Variants in CHD5 observed in about 807,000 individuals in gnomAD.
The protein encoded by CHD5 is chromodomain helicase DNA binding protein 5.
A neutral mutation model predicts 230.3 loss-of-function variants in CHD5; 69 were observed. The observed-to-expected ratio is 0.30, with a 90% CI of 0.25 to 0.37. The LOEUF is 0.37. Ranked by LOEUF, CHD5 falls within the 10% of genes least tolerant of loss-of-function variation. The pLI is 1.00. For missense variants in CHD5, 1,827 were observed against 2,622.8 expected (o/e 0.70, Z 6.63); for synonymous variants, 1,064 against 1,065.9 (o/e 1.00, Z 0.03).
chr1:6,145,788 A>G (rs1003442063), intron 11 of CHD5, among the ~76,000 whole-genome samples: 22 of 152,176 alleles, frequency 1.4e-4, no homozygotes, highest in Non-Finnish European at 1.5e-5. Flanking sequence ...CACATCAGTA[A>G]AACAGAGGTG....
rs1156910848 is a variant in CHD5, at chr1:6,125,214, C to T, written c.4280G>A (p.Arg1427Gln). ...GNIEVLGFNA[R>Q]QRKAFLNAIM... ...GGCGTTCAGAAAGGCCTTCCGCTGT[C>T]GGGCATTGAAGCCCAGCACCTGGGC... The change falls in exon 29 of 42, where the codon CGA becomes CAA. Residue 1427 changes from arginine to glutamine, a missense_variant. By Grantham distance (43) the Arg-to-Gln change is conservative. This residue lies in a region of CHD5 where 137 missense variants were observed against 272.7 expected (regional missense o/e 0.50). Coordinates refer to ENST00000262450, the MANE Select transcript of CHD5 (RefSeq NM_015557.3). The surrounding 1 kb of genome is among the most constrained non-coding windows in gnomAD (Gnocchi z 6.7). The T allele has an allele frequency of 6.2e-7, 1 of 1,601,522 alleles. No individual in the cohort carries two copies. Among genetic ancestry groups the T allele is most frequent in the Non-Finnish European group, 8.5e-7 (1 of 1,177,404 alleles).
Position 6,142,660 on chromosome 1 carries a change from ACAC to A in CHD5, c.2044-58_2044-56del. ...CCCAGATCCTGGGCCACCAGAGTCC[ACAC>A]TACAGGCCTTTGCACATGCAATTCC... On this transcript the variant is annotated intron_variant, in intron 13 of 41. Coordinates refer to ENST00000262450, the MANE Select transcript of CHD5 (RefSeq NM_015557.3). The surrounding 1 kb of genome is among the most constrained non-coding windows in gnomAD (Gnocchi z 5.2). 21 of 1,552,490 alleles carry A rather than the reference ACAC, an allele frequency of 1.4e-5. No individual in the cohort carries two copies. Among genetic ancestry groups the A allele is most frequent in the Non-Finnish European group, 1.8e-5 (21 of 1,143,636 alleles).
At position 6,155,593 on chromosome 1, in the gene CHD5, G is replaced by C; in HGVS notation, c.506+6C>G. 6.2e-7 allele frequency: 1 copy of C among 1,608,970 alleles called. No homozygotes were observed. The highest frequency in any genetic ancestry group is 1.1e-5 in the South Asian group (1 of 90,970). On this transcript the variant is annotated splice_donor_region_variant and intron_variant, in intron 4 of 41. Coordinates refer to ENST00000262450, the MANE Select transcript of CHD5 (RefSeq NM_015557.3). The surrounding 1 kb of genome is among the most constrained non-coding windows in gnomAD (Gnocchi z 4.0). ...GCCTGGAGAACAGCCCTAGTGCCCC[G>C]CCCACCTGAGGAACTGGCTGAAGGC...
rs371820550 is a variant in CHD5 at position 6,130,728 on chromosome 1, C to T, written c.3263-400G>A. ...GCCCACCGATGCTGCCAGGGCAGCC[C>T]GGGAAAACTCAGGGGCGCAGCTCCG... On this transcript the variant is annotated intron_variant, in intron 21 of 41. Coordinates refer to ENST00000262450, the MANE Select transcript of CHD5 (RefSeq NM_015557.3). This position sits in a 1 kb window ranked among gnomAD's most constrained non-coding sequence, Gnocchi z 4.9. Among the ~76,000 whole-genome samples the T allele has an allele frequency of 1.2e-4, 18 of 152,326 alleles. No individual in the cohort carries two copies. In the East Asian group the frequency reaches 2.3e-3, roughly 20 times the overall value.
chr1:6,108,457 G>A lies in CHD5; in HGVS notation c.5578+1338C>T, dbSNP rs1666232427. ...AGAGATGATGGAGAGATGGGGGATG[G>A]GGGTGGAAGGATGGAGGGAGAATGG... is the stretch of plus-strand genomic sequence containing the variant. On this transcript the variant is annotated intron_variant, in intron 38 of 41. Transcript: ENST00000262450. Among the ~76,000 whole-genome samples the A allele has an allele frequency of 1.3e-5, 2 of 149,580 alleles. 1 individual carries two copies. The highest frequency in any genetic ancestry group is 4.3e-4 in the South Asian group (2 of 4,686).
rs943382091 is a variant in CHD5 at position 6,180,013 on chromosome 1, G to A, written c.11C>T (p.Pro4Leu). The A allele has an allele frequency of 1.5e-6, 2 of 1,366,962 alleles. No homozygotes were observed. Among genetic ancestry groups the A allele is most frequent in the Non-Finnish European group, 1.9e-6 (2 of 1,047,394 alleles). The allele number at this position is 1,366,962 out of a possible 1,614,324, so 84.7% of individuals were successfully genotyped here. The change falls in exon 1 of 42, where the codon CCA (proline) becomes CTA (leucine). Residue 4 changes from proline (P) to leucine (L), a missense_variant. By Grantham distance (98) the Pro-to-Leu change is moderately conservative (BLOSUM62 -3). Transcript: ENST00000262450. ...CGGCAGCTCCTCCTCGGTGCCCACT[G>A]GGCCCCGCATGCCCGGCGCGGGGAG... MRGPVGTEEELPRL... is the reference protein window; with the variant it reads MRGLVGTEEELPRL...
chr1:6,173,822 A>T (rs1667377041), intron 1 of CHD5, among the ~76,000 whole-genome samples: 1 of 152,208 alleles, frequency 6.6e-6, no homozygotes, highest in Admixed American at 6.5e-5. Flanking sequence ...GGCTGCCGTT[A>T]GTCCTCGAAC....
At position 6,130,249 on chromosome 1, in the gene CHD5, A is replaced by G. The variant is rs1480936960; in HGVS notation, c.3342T>C (p.Thr1114=). The G allele has an allele frequency of 6.2e-7, 1 of 1,614,070 alleles. No homozygotes were observed. Among genetic ancestry groups the G allele is most frequent in the Non-Finnish European group, 8.5e-7 (1 of 1,179,972 alleles). Reference sequence around the variant, plus strand: ...TCCAGTCCGAGTCGTAGATGATGACAGTGTCCGCCGTGGCCAGGTTGATGC... The same window carrying G: ...TCCAGTCCGAGTCGTAGATGATGACGGTGTCCGCCGTGGCCAGGTTGATGC... The part of the protein sequence containing the change: ...GLGINLATAD[T]VIIYDSDWNP... Residue 1114 remains threonine, a synonymous_variant, in exon 22 of 42, where the codon ACT becomes ACC. Transcript: ENST00000262450. This position sits in a 1 kb window ranked among gnomAD's most constrained non-coding sequence, Gnocchi z 4.9.
At position 6,180,040 on chromosome 1, in the gene CHD5, A is replaced by C; in HGVS notation, c.-17T>G. 1 of 1,275,320 alleles carries C rather than the reference A, an allele frequency of 7.8e-7. No homozygotes were observed. The highest frequency in any genetic ancestry group is 1.0e-6 in the Non-Finnish European group (1 of 994,014). 79.0% of individuals were successfully genotyped at this position (1,275,320 alleles called of 1,614,324 possible). A position where few individuals can be genotyped will look rare whatever the true frequency, so the allele number is the denominator to read the frequency against. ...GCCCCGCATGCCCGGCGCGGGGAGG[A>C]GGGGAGGTGGGCGCCCCCCCTCCCG... is the stretch of plus-strand genomic sequence containing the variant. On this transcript the variant is annotated 5_prime_UTR_variant, in exon 1 of 42. Coordinates refer to ENST00000262450, the MANE Select transcript of CHD5 (RefSeq NM_015557.3).
rs1330506449 is a variant in CHD5 at position 6,154,288 on chromosome 1, A to G, written c.745+372T>C. On this transcript the variant is annotated intron_variant, in intron 5 of 41. Coordinates refer to ENST00000262450, the MANE Select transcript of CHD5 (RefSeq NM_015557.3). This position sits in a 1 kb window ranked among gnomAD's most constrained non-coding sequence, Gnocchi z 7.0. ...CCAGAAACGGCACAGGCTCAAACCCAAGAGCCTGCCAACTCCCAGAAACCC... is the reference window on the plus strand; with the variant it reads ...CCAGAAACGGCACAGGCTCAAACCCGAGAGCCTGCCAACTCCCAGAAACCC... 2.6e-5 allele frequency among the ~76,000 whole-genome samples: 4 copies of G among 151,990 alleles called. No individual in the cohort carries two copies. The highest frequency in any genetic ancestry group is 9.7e-5 in the African/African-American group (4 of 41,376).
In CHD5 at chr1:6,149,321, C is replaced by T. The variant is rs757492771; in HGVS notation, c.1086G>A (p.Pro362=). ...GGEIILCDTC[P]RAYHLVCLDP... is the part of the protein sequence containing the mutation. ...CCAGGCATACGAGATGGTAGGCCCT[C>T]GGGCAGGTGTCGCACAGGATGATCT... The change falls in exon 8 of 42, where the codon CCG becomes CCA. Residue 362 remains proline (P), a synonymous_variant. Transcript: ENST00000262450. 2.6e-5 allele frequency: 42 copies of T among 1,612,856 alleles called. No homozygotes were observed. In the East Asian group the frequency reaches 3.6e-4, roughly 14 times the overall value.
At chr1:6,157,573 G>A (rs781038161) in intron 3 of CHD5, among the ~76,000 whole-genome samples, 25 of 152,182 alleles carry the variant, frequency 1.6e-4, no homozygotes, top group Non-Finnish European at 2.2e-4. Flanking sequence ...TGCCCTGAGC[G>A]TCTCCCAGCA....
rs1364989697 is a variant in CHD5 at position 6,130,300 on chromosome 1, G to A, written c.3291C>T (p.Leu1097=). Residue 1097 remains leucine, a synonymous_variant, in exon 22 of 42, where the codon CTC becomes CTT. Coordinates refer to ENST00000262450, the MANE Select transcript of CHD5 (RefSeq NM_015557.3). The surrounding 1 kb of genome is among the most constrained non-coding windows in gnomAD (Gnocchi z 4.9). ...CCAGACCACCTGCCCGGGTTGAGAG[G>A]AGGAAGCAGAACTGCTGGGCCCCGG... ...NAPGAQQFCF[L]LSTRAGGLGI... is the part of the protein sequence containing the mutation. The A allele has an allele frequency of 1.5e-5, 24 of 1,613,846 alleles. No homozygotes were observed. Among genetic ancestry groups the A allele is most frequent in the Non-Finnish European group, 2.0e-5 (24 of 1,179,948 alleles).
intron 9 of CHD5, among the ~76,000 whole-genome samples, chr1:6,147,404 G>A (rs543778708): frequency 6.6e-6 from 1 of 152,296 alleles, no homozygotes; most frequent in East Asian, 1.9e-4. Flanking sequence ...GTGCGTCTAG[G>A]CTGGGACAAT....
In CHD5 at chr1:6,105,150, A is replaced by G; in HGVS notation, c.*324T>C. On this transcript the variant is annotated 3_prime_UTR_variant, in exon 42 of 42. Transcript: ENST00000262450. This position sits in a 1 kb window ranked among gnomAD's most constrained non-coding sequence, Gnocchi z 4.8. The stretch of plus-strand genomic sequence containing the variant: ...GTTCAAGTCTTCAATAGGAAAGTGC[A>G]AAAGATGTACAAATAAATGAAATCT... 8.7e-6 allele frequency: 3 copies of G among 344,448 alleles called. No homozygotes were observed. Among genetic ancestry groups the G allele is most frequent in the South Asian group, 6.6e-5 (3 of 45,528 alleles). 21.3% of individuals were successfully genotyped at this position (344,448 alleles called of 1,614,324 possible). A position where few individuals can be genotyped will look rare whatever the true frequency, so the allele number is the denominator to read the frequency against.
intron 2 of CHD5, among the ~76,000 whole-genome samples, chr1:6,166,172 G>A (rs377383427): frequency 6.6e-6 from 1 of 151,208 alleles, no homozygotes; most frequent in East Asian, 2.0e-4. Context: ...GAGGGGCCAG[G>A]GTCTCTCTAG....
chr1:6,129,556 A>T lies in CHD5; in HGVS notation c.3388-487T>A, dbSNP rs1003479616. On this transcript the variant is annotated intron_variant, in intron 22 of 41. Coordinates refer to ENST00000262450, the MANE Select transcript of CHD5 (RefSeq NM_015557.3). This position sits in a 1 kb window ranked among gnomAD's most constrained non-coding sequence, Gnocchi z 6.8. The stretch of plus-strand genomic sequence containing the variant: ...AGTGCCTGAGACTCTGTGCAGCCCT[A>T]CATGAGGTGACCTGGGTGTGGCCGT... Among the ~76,000 whole-genome samples, 11 of 152,336 alleles carry T rather than the reference A, an allele frequency of 7.2e-5. No homozygotes were observed. The highest frequency in any genetic ancestry group is 4.6e-4 in the Admixed American group (7 of 15,312).
chr1:6,147,517 A>T (rs1161438961), intron 9 of CHD5, among the ~76,000 whole-genome samples: 3 of 152,208 alleles, frequency 2.0e-5, no homozygotes, highest in African/African-American at 7.2e-5. Context: ...TACAACAGCC[A>T]CAAACCACAC....
chr1:6,115,475 C>T (rs962616960), intron 33 of CHD5, among the ~76,000 whole-genome samples: 8 of 152,160 alleles, frequency 5.3e-5, no homozygotes, highest in African/African-American at 1.9e-4. Flanking sequence ...CTAACCTGAC[C>T]ACACGAGCCC....
Sources: allele counts gnomAD v4.1 joint callset (sites outside exome capture counted in the v4.1 genomes callset), GRCh38; gene constraint gnomAD v4.1.1; regional missense constraint gnomAD v4.1.1; non-coding constraint Gnocchi (gnomAD v3.1); transcripts MANE v1.5; gene names NCBI Gene and HGNC (gene_info 2026-07-23, HGNC 2026-07-21).